Variants in PPP6R1 observed in about 807,000 individuals in gnomAD.
PPP6R1 encodes the protein protein phosphatase 6 regulatory subunit 1, also known as serine/threonine-protein phosphatase 6 regulatory subunit 1.
A neutral mutation model predicts 104.6 loss-of-function variants in PPP6R1; 39 were observed. The ratio of observed to expected loss-of-function variants is 0.37; its 90% CI spans 0.29 to 0.49. PPP6R1 has a LOEUF of 0.49. PPP6R1 is among the 20% of genes least tolerant of loss of function. PPP6R1 has a pLI of 0.98. For missense variants in PPP6R1, 1,181 were observed against 1,155.8 expected (o/e 1.02, Z -0.32); for synonymous variants, 549 against 479.0 (o/e 1.15, Z -1.91).
At position 55,236,645 on chromosome 19, in the gene PPP6R1, G is replaced by A. The variant is rs763727739; in HGVS notation, c.1986C>T (p.Val662=). 6.4e-7 allele frequency: 1 copy of A among 1,550,676 alleles called. No individual in the cohort carries two copies. The highest frequency in any genetic ancestry group is 2.0e-5 in the Admixed American group (1 of 49,176). Residue 662 remains valine (V), a splice_region_variant and synonymous_variant, in exon 17 of 24, where the codon GTC becomes GTT. Transcript: ENST00000412770. ...AGGGAAACTGGAGGGGGACTCACCG[G>A]ACACCAGGTGGCTGGCCCAGACGGG... The part of the protein sequence containing the change: ...RGARLGQPPG[V]RSGGSTDSED...
chr19:55,243,798 G>A (rs1261402429), intron 5 of PPP6R1, among the ~76,000 whole-genome samples: 1 of 152,148 alleles, frequency 6.6e-6, no homozygotes, highest in Non-Finnish European at 1.5e-5. Flanking sequence ...GATTACAGGT[G>A]TGCACCACCA....
chr19:55,243,293 G>A (rs936173896), intron 5 of PPP6R1, among the ~76,000 whole-genome samples: 6 of 151,614 alleles, frequency 4.0e-5, no homozygotes, highest in African/African-American at 7.3e-5. Flanking sequence ...GGCGCCTGTA[G>A]TCCCAGCTAC....
chr19:55,228,786 C>T (rs745438694), downstream of PPP6R1: 10 of 1,601,652 alleles, frequency 6.2e-6, no homozygotes, highest in African/African-American at 9.4e-5. Flanking sequence ...GAGCGAGTGG[C>T]TTCAGGGGGT....
intron 1 of PPP6R1, 62 bp from the exon 2 acceptor site, chr19:55,247,171 G>T: frequency 6.5e-7 from 1 of 1,529,220 alleles, no homozygotes; most frequent in Non-Finnish European, 9.0e-7. Context: ...ACTGGACGAG[G>T]CACTGACCAC....
intron 1 of PPP6R1, among the ~76,000 whole-genome samples, chr19:55,255,976 G>C (rs954003759): frequency 1.3e-5 from 2 of 152,172 alleles, no homozygotes; most frequent in African/African-American, 4.8e-5. Flanking sequence ...GACTTCCCAG[G>C]ATCTAGCATA....
intron 1 of PPP6R1, 83 bp from the exon 2 acceptor site, chr19:55,247,192 T>C (rs745385999): frequency 7.1e-6 from 10 of 1,404,858 alleles, no homozygotes; most frequent in Admixed American, 3.4e-5. Context: ...AGGGGCTGAG[T>C]GCCCACCTTG....
intron 18 of PPP6R1, 36 bp downstream of exon 18, chr19:55,232,039 C>T: frequency 1.2e-6 from 2 of 1,611,386 alleles, no homozygotes. Flanking sequence ...GGCAGACAGC[C>T]CTGTGTACAC....
In PPP6R1 at chr19:55,247,016, C is replaced by T. The variant is rs373149214; in HGVS notation, c.88G>A (p.Glu30Lys). Residue 30 changes from glutamate (E) to lysine (K), a missense_variant, in exon 2 of 24, where the codon GAG becomes AAG. Glu to Lys is a moderately conservative substitution (Grantham distance 56). This residue lies in a region of PPP6R1 where 139 missense variants were observed against 200.1 expected (regional missense o/e 0.69). Coordinates refer to ENST00000412770, the MANE Select transcript of PPP6R1 (RefSeq NM_014931.4). Reference sequence around the variant, plus strand: ...TTGCACTCCTGCAGCACGTCTTCCTCGTCCAGCAGCTCGGGCAGGCTCAGG... The same window carrying T: ...TTGCACTCCTGCAGCACGTCTTCCTTGTCCAGCAGCTCGGGCAGGCTCAGG... ...EDLSLPELLD[E>K]EDVLQECKVV... 7.4e-6 allele frequency: 12 copies of T among 1,613,888 alleles called. No individual in the cohort carries two copies. Among genetic ancestry groups the T allele is most frequent in the South Asian group, 4.4e-5 (4 of 91,090 alleles).
At chr19:55,254,417 A>T (rs1031824200) in intron 1 of PPP6R1, among the ~76,000 whole-genome samples, 2 of 152,120 alleles carry the variant, frequency 1.3e-5, no homozygotes, top group Admixed American at 6.5e-5. Flanking sequence ...TAGGGCCTTC[A>T]ACACCAGCCA....
At chr19:55,256,324 G>A (rs980936736) in intron 1 of PPP6R1, among the ~76,000 whole-genome samples, 1 of 152,236 alleles carries the variant, frequency 6.6e-6, no homozygotes, top group African/African-American at 2.4e-5. Context: ...GTTCTTTTCG[G>A]TGTTGGGGCT....
chr19:55,234,249 C>G (rs2087374898), intron 17 of PPP6R1, among the ~76,000 whole-genome samples: 1 of 152,176 alleles, frequency 6.6e-6, no homozygotes, highest in African/African-American at 2.4e-5. Flanking sequence ...GCCCAACAAA[C>G]CTCCCATTTT....
rs1446194422 is a variant in PPP6R1, at chr19:55,247,171, G to A, written c.-6-62C>T. 2.0e-6 allele frequency: 3 copies of A among 1,529,220 alleles called. No homozygotes were observed. In the South Asian group the frequency reaches 3.4e-5, roughly 17 times the overall value. 94.7% of individuals were successfully genotyped at this position (1,529,220 alleles called of 1,614,324 possible). A position where few individuals can be genotyped will look rare whatever the true frequency, so the allele number is the denominator to read the frequency against. On this transcript the variant is annotated intron_variant, in intron 1 of 23. Coordinates refer to ENST00000412770, the MANE Select transcript of PPP6R1 (RefSeq NM_014931.4). ...CCCCAGGGAGTCCCCACTGGACGAG[G>A]CACTGACCACAGGGGCTGAGTGCCC...
In PPP6R1 at chr19:55,231,648, G is replaced by T. The variant is rs753721467; in HGVS notation, c.2327C>A (p.Pro776His). Residue 776 changes from proline to histidine, a missense_variant, in exon 20 of 24, where the codon CCC becomes CAC. Physicochemically the swap from Pro to His is moderately conservative, Grantham distance 77 (BLOSUM62 -2). This residue lies in a region of PPP6R1 where 1,042 missense variants were observed against 955.6 expected (regional missense o/e 1.09). Coordinates refer to ENST00000412770, the MANE Select transcript of PPP6R1 (RefSeq NM_014931.4). Reference sequence around the variant, plus strand: ...TTCTGTGGCTTCCTGAGGTGCTGAGGGGGGTGTGGGGTCCTGAGACCTGGT... The same window carrying T: ...TTCTGTGGCTTCCTGAGGTGCTGAGTGGGGTGTGGGGTCCTGAGACCTGGT... ...LQLRSQDPTP[P>H]SAPQEATEGS... is the part of the protein sequence containing the mutation. 1.2e-6 allele frequency: 2 copies of T among 1,610,206 alleles called. No individual in the cohort carries two copies. The highest frequency in any genetic ancestry group is 1.1e-5 in the South Asian group (1 of 90,436).
intron 1 of PPP6R1, among the ~76,000 whole-genome samples, chr19:55,255,488 G>A (rs1254171976): frequency 6.6e-6 from 1 of 152,078 alleles, no homozygotes; most frequent in Non-Finnish European, 1.5e-5. Flanking sequence ...CCTTATCCGG[G>A]AAATACCTCA....
chr19:55,252,979 C>T (rs1364778825), intron 1 of PPP6R1, among the ~76,000 whole-genome samples: 2 of 152,212 alleles, frequency 1.3e-5, no homozygotes, highest in Non-Finnish European at 2.9e-5. Context: ...CCAGCGTCCG[C>T]AGAGCTGATG....
chr19:55,252,818 G>T (rs533515571), intron 1 of PPP6R1, among the ~76,000 whole-genome samples: 1 of 152,286 alleles, frequency 6.6e-6, no homozygotes, highest in South Asian at 2.1e-4. Context: ...GCTTACAGGC[G>T]TGAGCCACTG....
intron 17 of PPP6R1, among the ~76,000 whole-genome samples, chr19:55,234,519 G>T (rs191330009): frequency 2.7e-4 from 41 of 152,316 alleles, no homozygotes; most frequent in Admixed American, 1.2e-3. Flanking sequence ...AGCTCAAAAT[G>T]AATGGAAAAC....
At position 55,254,060 on chromosome 19, in the gene PPP6R1, G is replaced by C. The variant is rs565454841; in HGVS notation, c.-7+4375C>G. Among the ~76,000 whole-genome samples the C allele has an allele frequency of 3.3e-5, 5 of 152,280 alleles. No individual in the cohort carries two copies. The East Asian group carries it at 5.8e-4, about 18-fold the overall frequency. Reference sequence around the variant, plus strand: ...TTTCTGGCAGGACAGGTAGGGGACCGGTCACTACCCCAAAGGTGATGGTGC... The same window carrying C: ...TTTCTGGCAGGACAGGTAGGGGACCCGTCACTACCCCAAAGGTGATGGTGC... On this transcript the variant is annotated intron_variant, in intron 1 of 23. Coordinates refer to ENST00000412770, the MANE Select transcript of PPP6R1 (RefSeq NM_014931.4).
rs373098735 is a variant in PPP6R1 at position 55,245,710 on chromosome 19, G to A, written c.228-32C>T. ...GGCAAGCACAGGCGGGTGGGGGCTCGGGTCGGAGGCCGGGGGCAGGGGGCG... is the reference window on the plus strand; with the variant it reads ...GGCAAGCACAGGCGGGTGGGGGCTCAGGTCGGAGGCCGGGGGCAGGGGGCG... On this transcript the variant is annotated intron_variant, in intron 2 of 23. Transcript: ENST00000412770. The surrounding 1 kb of genome is among the most constrained non-coding windows in gnomAD (Gnocchi z 6.4). 34 of 1,574,232 alleles carry A rather than the reference G, an allele frequency of 2.2e-5. No individual in the cohort carries two copies. The highest frequency in any genetic ancestry group is 2.3e-4 in the Middle Eastern group (1 of 4,400).
Sources: allele counts gnomAD v4.1 joint callset (sites outside exome capture counted in the v4.1 genomes callset), GRCh38; gene constraint gnomAD v4.1.1; regional missense constraint gnomAD v4.1.1; non-coding constraint Gnocchi (gnomAD v3.1); transcripts MANE v1.5; gene names NCBI Gene and HGNC (gene_info 2026-07-23, HGNC 2026-07-21).